The following GNA12 variants were observed in gnomAD, a reference collection of about 807,000 sequenced individuals.
The protein encoded by GNA12 is guanine nucleotide-binding protein subunit alpha-12.
Under a neutral mutation model 26.0 loss-of-function variants are expected in GNA12, and 9 were observed. That is an observed-to-expected ratio of 0.35 (90% CI 0.21 to 0.60). GNA12 has a LOEUF of 0.60. Ranked by LOEUF, GNA12 falls within the 20% of genes least tolerant of loss-of-function variation. The pLI is 0.78. For synonymous variants in GNA12, 264 were observed against 219.6 expected, an observed-to-expected ratio of 1.20 and a Z score of -1.79; for missense variants, 405 against 525.8, an observed-to-expected ratio of 0.77 and a Z score of 2.25.
At position 2,803,052 on chromosome 7, in the gene GNA12, C is replaced by T. The variant is rs141220108; in HGVS notation, c.310-7909G>A. On this transcript the variant is annotated intron_variant, in intron 1 of 3. Transcript: ENST00000275364. The stretch of plus-strand genomic sequence containing the variant: ...CCTCTTGGCTCTGCCAGTGACTATA[C>T]CGAGGGCTCACCTCAGGCAATGAAA... Among the ~76,000 whole-genome samples the T allele has an allele frequency of 9.5e-3, 1,449 of 152,206 alleles. 10 individuals carry two copies. The highest frequency in any genetic ancestry group is 0.075 in the Middle Eastern group (22 of 294).
At chr7:2,841,589 G>T (rs978718769) in intron 1 of GNA12, among the ~76,000 whole-genome samples, 1 of 151,536 alleles carries the variant, frequency 6.6e-6, no homozygotes, top group Non-Finnish European at 1.5e-5. Context: ...CTTGGAAAGA[G>T]GTAAAATGAA....
At chr7:2,766,924 G>A (rs1219838651) in intron 2 of GNA12, among the ~76,000 whole-genome samples, 1 of 152,154 alleles carries the variant, frequency 6.6e-6, no homozygotes, top group Non-Finnish European at 1.5e-5. Context: ...TCTGATAGTA[G>A]CCATTCTAAT....
rs143141060 is a variant in GNA12 at position 2,842,713 on chromosome 7, T to C, written c.309+1140A>G. Among the ~76,000 whole-genome samples the C allele has an allele frequency of 3.4e-3, 519 of 152,312 alleles. 4 individuals are homozygous for C. The highest frequency in any genetic ancestry group is 0.011 in the African/African-American group (463 of 41,568). ...GTCACACAAAACAATTATGCCACAA[T>C]GGAGGAATTCTGAACACTGGATATC... is the stretch of plus-strand genomic sequence containing the variant. On this transcript the variant is annotated intron_variant, in intron 1 of 3. Coordinates refer to ENST00000275364, the MANE Select transcript of GNA12 (RefSeq NM_007353.3).
intron 1 of GNA12, among the ~76,000 whole-genome samples, chr7:2,831,544 C>T (rs1251089854): frequency 1.3e-5 from 2 of 151,860 alleles, no homozygotes; most frequent in African/African-American, 2.4e-5. Context: ...GCTGGGACTA[C>T]AGGCGCCTGC....
intron 1 of GNA12, among the ~76,000 whole-genome samples, chr7:2,829,577 C>G (rs140729477): frequency 6.6e-6 from 1 of 152,296 alleles, no homozygotes; most frequent in Non-Finnish European, 1.5e-5. Flanking sequence ...TTCTCATACC[C>G]TGGAGCTCTT....
At chr7:2,830,944 A>C (rs1302194788) in intron 1 of GNA12, among the ~76,000 whole-genome samples, 1 of 140,642 alleles carries the variant, frequency 7.1e-6, no homozygotes. Context: ...CTGTCTCAAA[A>C]AAATTAATGA....
At chr7:2,742,147 G>T (rs185766553) in intron 2 of GNA12, among the ~76,000 whole-genome samples, 3 of 151,744 alleles carry the variant, frequency 2.0e-5, no homozygotes, top group Non-Finnish European at 4.4e-5. Flanking sequence ...TCAGCCACCC[G>T]AGTAGCTGGG....
At chr7:2,804,715 G>T (rs1175496728) in intron 1 of GNA12, among the ~76,000 whole-genome samples, 1 of 152,090 alleles carries the variant, frequency 6.6e-6, no homozygotes, top group Non-Finnish European at 1.5e-5. Flanking sequence ...GGATTGCATG[G>T]TGAGGTCTGG....
intron 1 of GNA12, among the ~76,000 whole-genome samples, chr7:2,804,963 C>G (rs1792909332): frequency 6.6e-6 from 1 of 152,038 alleles, no homozygotes; most frequent in African/African-American, 2.4e-5. Flanking sequence ...AGAAAGGCTG[C>G]TTTTGATTAT....
At chr7:2,742,441 C>T (rs1179103961) in intron 2 of GNA12, among the ~76,000 whole-genome samples, 1 of 152,172 alleles carries the variant, frequency 6.6e-6, no homozygotes, top group Non-Finnish European at 1.5e-5. Context: ...GCTTGCTGGT[C>T]TGTGAGTGAC....
At chr7:2,748,275 G>C (rs1413847327) in intron 2 of GNA12, among the ~76,000 whole-genome samples, 1 of 152,138 alleles carries the variant, frequency 6.6e-6, no homozygotes, top group Non-Finnish European at 1.5e-5. Context: ...CAAGGCTACA[G>C]TAACCAAAAC....
chr7:2,828,262 G>A (rs1035860439), intron 1 of GNA12, among the ~76,000 whole-genome samples: 1 of 152,098 alleles, frequency 6.6e-6, no homozygotes, highest in Non-Finnish European at 1.5e-5. Context: ...AATCACTACT[G>A]GACAGCTAAA....
intron 2 of GNA12, among the ~76,000 whole-genome samples, chr7:2,753,564 C>G (rs909125646): frequency 6.6e-6 from 1 of 152,072 alleles, no homozygotes; most frequent in African/African-American, 2.4e-5. Context: ...CTGAACGTGC[C>G]GCAGTTTATT....
chr7:2,763,113 C>T, intron 2 of GNA12: 2 of 1,242,386 alleles, frequency 1.6e-6, no homozygotes, highest in Non-Finnish European at 2.0e-6. Context: ...CCTCTGAAGT[C>T]ATCTTCCTCT....
chr7:2,777,587 G>T (rs927380187), intron 2 of GNA12, among the ~76,000 whole-genome samples: 1 of 152,126 alleles, frequency 6.6e-6, no homozygotes, highest in Non-Finnish European at 1.5e-5. Context: ...ATAAGAAGAC[G>T]GAGAGACATC....
rs150715552 is a variant in GNA12 at position 2,803,120 on chromosome 7, T to G, written c.310-7977A>C. ...GGGGAAAACCCAAAAGGCGGTAAAC[T>G]TGGCTCCTGCTATGGGAGAACTTTC... On this transcript the variant is annotated intron_variant, in intron 1 of 3. Coordinates refer to ENST00000275364, the MANE Select transcript of GNA12 (RefSeq NM_007353.3). Among the ~76,000 whole-genome samples the G allele has an allele frequency of 3.2e-4, 49 of 152,256 alleles. No individual in the cohort carries two copies. The South Asian group carries it at 7.3e-3, about 23-fold the overall frequency.
intron 1 of GNA12, among the ~76,000 whole-genome samples, chr7:2,802,257 T>C (rs925325740): frequency 1.3e-5 from 2 of 152,090 alleles, no homozygotes; most frequent in African/African-American, 4.8e-5. Context: ...TCAAGCAGTT[T>C]GATGACTTCA....
intron 2 of GNA12, among the ~76,000 whole-genome samples, chr7:2,758,403 GCAGA>G (rs1791401652): frequency 6.6e-6 from 1 of 152,192 alleles, no homozygotes; most frequent in Non-Finnish European, 1.5e-5. Context: ...GGTGTAAAGG[GCAGA>G]CAGTGTCTCA....
intron 2 of GNA12, among the ~76,000 whole-genome samples, chr7:2,736,484 G>A (rs933965424): frequency 6.6e-5 from 10 of 152,164 alleles, no homozygotes; most frequent in African/African-American, 9.7e-5. Context: ...GTCCTCTCAC[G>A]AGCAACAGAA....
Sources: gnomAD v4.1 joint callset for allele counts (sites outside exome capture counted in the v4.1 genomes callset) on GRCh38, gnomAD v4.1.1 for gene constraint, MANE v1.5 for transcripts, NCBI Gene and HGNC (gene_info 2026-07-23, HGNC 2026-07-21) for gene names.